The following GPR89A variants were observed in gnomAD, a reference collection of about 807,000 sequenced individuals.
GPR89A encodes the protein G protein-coupled receptor 89A.
Under a neutral mutation model 52.0 loss-of-function variants are expected in GPR89A, and 16 were observed. The ratio of observed to expected loss-of-function variants is 0.31; its 90% confidence interval spans 0.21 to 0.47. The LOEUF (loss-of-function observed/expected upper bound fraction) is 0.47. Ranked by LOEUF, GPR89A falls within the 20% of genes least tolerant of loss-of-function variation. The pLI is 1.00. For missense variants in GPR89A, 135 were observed against 449.4 expected (o/e 0.30, Z 6.33); for synonymous variants, 55 against 150.9 (o/e 0.36, Z 4.66).
intron 8 of GPR89A, chr1:145,645,965 ATTGT>A (rs1650955193): frequency 9.6e-6 from 6 of 626,358 alleles, no homozygotes; most frequent in South Asian, 3.9e-5. Flanking sequence ...CTGAGTGGTA[ATTGT>A]TTGGTGGCGA....
In GPR89A at chr1:145,616,634, CTTATA is replaced by C. The variant is rs201903869; in HGVS notation, c.102+347_102+351del. ...GTCTATCTGGCCCTGAATTGCAAACCTTATATTATAAGTTAATACCAAAATCCCAA... is the reference window on the plus strand; with the variant it reads ...GTCTATCTGGCCCTGAATTGCAAACCTTATAAGTTAATACCAAAATCCCAA... On this transcript the variant is annotated intron_variant, in intron 2 of 13. Coordinates refer to ENST00000313835, the MANE Select transcript of GPR89A (RefSeq NM_001097612.2). Among the ~76,000 whole-genome samples, 536 of 152,216 alleles carry C rather than the reference CTTATA, an allele frequency of 3.5e-3. 1 individual carries two copies. Among genetic ancestry groups the C allele is most frequent in the Middle Eastern group, 6.8e-3 (2 of 294 alleles).
chr1:145,615,783 C>G (rs1648640345), intron 1 of GPR89A, among the ~76,000 whole-genome samples: 1 of 151,552 alleles, frequency 6.6e-6, no homozygotes, highest in South Asian at 2.1e-4. Flanking sequence ...CCACACCCAG[C>G]TAATTTTTGT....
intron 2 of GPR89A, among the ~76,000 whole-genome samples, chr1:145,617,391 A>G (rs1553687226): frequency 2.6e-5 from 4 of 152,176 alleles, no homozygotes. Context: ...TATTGTTCAA[A>G]CACACATGTT....
intron 3 of GPR89A, among the ~76,000 whole-genome samples, chr1:145,621,494 T>A (rs1559026734): frequency 6.6e-6 from 1 of 151,774 alleles, no homozygotes; most frequent in Non-Finnish European, 1.5e-5. Context: ...ACCATTGTTG[T>A]TCATATTTCC....
At chr1:145,659,056 C>T (rs1474978191) in intron 10 of GPR89A, among the ~76,000 whole-genome samples, 1 of 151,988 alleles carries the variant, frequency 6.6e-6, no homozygotes, top group African/African-American at 2.4e-5. Context: ...GGATTATATC[C>T]GTGAGCCACC....
intron 10 of GPR89A, among the ~76,000 whole-genome samples, chr1:145,654,731 A>G (rs1415760479): frequency 2.8e-4 from 42 of 151,406 alleles, no homozygotes; most frequent in African/African-American, 9.7e-4. Context: ...TCTGATGATT[A>G]TGTGTCTTGG....
At chr1:145,657,036 C>T (rs1381419575) in intron 10 of GPR89A, among the ~76,000 whole-genome samples, 1 of 151,830 alleles carries the variant, frequency 6.6e-6, no homozygotes, top group Non-Finnish European at 1.5e-5. Flanking sequence ...ATAAACCTCA[C>T]TTGGTCATGG....
intron 3 of GPR89A, among the ~76,000 whole-genome samples, chr1:145,621,113 C>G (rs1303494091): frequency 2.6e-5 from 4 of 151,702 alleles, no homozygotes; most frequent in African/African-American, 9.7e-5. Context: ...CTGAATGGCT[C>G]TTTGTTTCGT....
chr1:145,625,115 G>A (rs1281500200), intron 5 of GPR89A, among the ~76,000 whole-genome samples: 1 of 152,126 alleles, frequency 6.6e-6, no homozygotes, highest in African/African-American at 2.4e-5. Context: ...AAGATCAGAG[G>A]AGATATGCAG....
chr1:145,647,100 A>G (rs1262147223), intron 9 of GPR89A, 75 bp from the exon 10 acceptor site: 1 of 1,526,208 alleles, frequency 6.6e-7, no homozygotes, highest in Non-Finnish European at 8.8e-7. Context: ...AGTGATTCAT[A>G]GAGGGAAGAA....
intron 10 of GPR89A, among the ~76,000 whole-genome samples, chr1:145,654,708 C>T (rs1294605018): frequency 1.3e-5 from 2 of 151,628 alleles, no homozygotes; most frequent in African/African-American, 2.4e-5. Context: ...TCCTTCATTT[C>T]GACCTTGGAG....
In GPR89A at chr1:145,655,786, A is replaced by G. The variant is rs1353220624; in HGVS notation, c.910-7543A>G. The stretch of plus-strand genomic sequence containing the variant: ...AGGCACGGGATCAGGGACCTGCTTA[A>G]GGAAGCACTCTGACTGCCCCTTGGC... On this transcript the variant is annotated intron_variant, in intron 10 of 13. Transcript: ENST00000313835. Among the ~76,000 whole-genome samples the G allele has an allele frequency of 1.8e-4, 27 of 152,262 alleles. No individual in the cohort carries two copies. The South Asian group carries it at 5.0e-3, about 28-fold the overall frequency.
chr1:145,647,658 G>T (rs1402229867), intron 10 of GPR89A, among the ~76,000 whole-genome samples: 2 of 151,242 alleles, frequency 1.3e-5, no homozygotes, highest in African/African-American at 4.9e-5. Context: ...ACAAAAATTA[G>T]CTGGGTGTGG....
rs587754674 is a variant in GPR89A at position 145,654,157 on chromosome 1, A to G, written c.909+6890A>G. Among the ~76,000 whole-genome samples, 32 of 152,132 alleles carry G rather than the reference A, an allele frequency of 2.1e-4. No homozygotes were observed. The South Asian group carries it at 6.7e-3, about 32-fold the overall frequency. ...TCAGGAGTTCTTGCAAGGTGGTCAC[A>G]AGTTCCCTCAGCATTTGCTTGTCTG... On this transcript the variant is annotated intron_variant, in intron 10 of 13. Transcript: ENST00000313835.
chr1:145,659,724 T>C (rs1252319367), intron 10 of GPR89A, among the ~76,000 whole-genome samples: 1 of 132,034 alleles, frequency 7.6e-6, no homozygotes, highest in Non-Finnish European at 1.6e-5. Context: ...CCAGCTTTGC[T>C]CTTTTGGCTT....
In GPR89A at chr1:145,634,293, C is replaced by T. The variant is rs1650073090; in HGVS notation, c.617+2549C>T. ...CGGGGTTTCACCATGTTGGACCAGG[C>T]TGGTCTCAAACTCCTGACCTCAAGT... On this transcript the variant is annotated intron_variant, in intron 7 of 13. Transcript: ENST00000313835. 2.6e-5 allele frequency among the ~76,000 whole-genome samples: 4 copies of T among 152,174 alleles called. No individual in the cohort carries two copies. The South Asian group carries it at 8.3e-4, about 32-fold the overall frequency.
At chr1:145,665,426 C>T (rs1317514309) in intron 11 of GPR89A, 136 bp from the exon 12 acceptor site, 3 of 1,048,496 alleles carry the variant, frequency 2.9e-6, no homozygotes, top group Non-Finnish European at 4.4e-6. Context: ...GCTTTCCTCT[C>T]TCCCTTAAGA....
At chr1:145,647,300 G>T in intron 10 of GPR89A, 33 bp downstream of exon 10, 1 of 1,576,112 alleles carries the variant, frequency 6.3e-7, no homozygotes, top group East Asian at 2.3e-5. Flanking sequence ...TCAGAGTTTA[G>T]ATGTTTTTTC....
intron 8 of GPR89A, chr1:145,645,474 A>C: frequency 2.4e-6 from 1 of 411,292 alleles, no homozygotes; most frequent in Non-Finnish European, 4.8e-6. Context: ...AGGATTATTT[A>C]ACCTCCCTGA....
Sources: gnomAD v4.1 joint callset for allele counts (sites outside exome capture counted in the v4.1 genomes callset) on GRCh38, gnomAD v4.1.1 for gene constraint, MANE v1.5 for transcripts, NCBI Gene and HGNC (gene_info 2026-07-23, HGNC 2026-07-21) for gene names.